DGLUCY: variants seen among roughly 807,000 people sequenced by gnomAD.
DGLUCY encodes D-glutamate cyclase, also known as D-glutamate cyclase, mitochondrial.
A neutral mutation model predicts 58.5 loss-of-function variants in DGLUCY; 58 were observed. The observed-to-expected ratio is 0.99, with a 90% CI of 0.80 to 1.23. The LOEUF is 1.23. Among genes scored for constraint, DGLUCY ranks in the 50% most tolerant of loss-of-function variants. DGLUCY has a pLI of 0.00. For synonymous variants in DGLUCY, 325 were observed against 314.1 expected (o/e 1.03, Z -0.37); for missense variants, 779 against 784.7 (o/e 0.99, Z 0.09).
At chr14:91,068,561 C>CA in intron 1 of DGLUCY, among the ~76,000 whole-genome samples, 1 of 152,220 alleles carries the variant, frequency 6.6e-6, no homozygotes, top group South Asian at 2.1e-4. Flanking sequence ...CCCAGCTACT[C>CA]AGGAGGCTGA....
chr14:91,185,271 A>ATGTTTTTTTTTT (rs2049437037), intron 8 of DGLUCY, among the ~76,000 whole-genome samples: 1 of 38,342 alleles, frequency 2.6e-5, no homozygotes, highest in Admixed American at 4.5e-4. Flanking sequence ...GCCCAGCCGG[A>ATGTTTTTTTTTT]TTTTTTTTTT....
chr14:91,191,296 G>A (rs1217011073), intron 9 of DGLUCY, among the ~76,000 whole-genome samples: 1 of 152,202 alleles, frequency 6.6e-6, no homozygotes, highest in Admixed American at 6.5e-5. Context: ...GTGGCTGGGA[G>A]GAGAGGGGAA....
At chr14:91,137,411 G>T (rs1341223734) in intron 1 of DGLUCY, among the ~76,000 whole-genome samples, 1 of 151,578 alleles carries the variant, frequency 6.6e-6, no homozygotes, top group Non-Finnish European at 1.5e-5. Context: ...TTTTGAGACG[G>T]AGTCTTTCTC....
chr14:91,126,957 A>G (rs7146008), intron 1 of DGLUCY, among the ~76,000 whole-genome samples: 90,157 of 151,416 alleles, frequency 0.6, 28,113 homozygotes, highest in East Asian at 0.91. Context: ...CACATAAACA[A>G]TTCCAGAAAT....
chr14:91,127,338 G>A (rs2045765030), intron 1 of DGLUCY, among the ~76,000 whole-genome samples: 1 of 152,214 alleles, frequency 6.6e-6, no homozygotes, highest in Admixed American at 6.5e-5. Flanking sequence ...ACAGGCGTAA[G>A]CCACCATGCC....
chr14:91,215,854 ATTG>A lies in DGLUCY; in HGVS notation c.1716+305_1716+307del, dbSNP rs1886443044. On this transcript the variant is annotated intron_variant, in intron 13 of 13. Transcript: ENST00000256324. The stretch of plus-strand genomic sequence containing the variant: ...CATCTGTAAAATGGGGGTGGTCAGC[ATTG>A]TTGTTGGAGGAACCGAATGCCTCAC... The A allele has an allele frequency of 5.3e-6, 5 of 942,540 alleles. No homozygotes were observed. The South Asian group carries it at 6.8e-5, about 13-fold the overall frequency. The allele number at this position is 942,540 out of a possible 1,614,324, so 58.4% of individuals were successfully genotyped here.
chr14:91,149,949 G>T (rs567887274), intron 1 of DGLUCY, among the ~76,000 whole-genome samples: 2 of 152,064 alleles, frequency 1.3e-5, no homozygotes, highest in Non-Finnish European at 2.9e-5. Context: ...GGCTGGGTGC[G>T]GTGGCTCACA....
At chr14:91,143,064 T>G (rs2046812256) in intron 1 of DGLUCY, among the ~76,000 whole-genome samples, 1 of 148,246 alleles carries the variant, frequency 6.7e-6, no homozygotes, top group African/African-American at 2.5e-5. Flanking sequence ...CTAATGGCAG[T>G]TTTGGCAGTT....
intron 13 of DGLUCY, chr14:91,216,152 TGG>T: frequency 5.6e-6 from 1 of 178,562 alleles, no homozygotes; most frequent in Admixed American, 5.4e-5. Flanking sequence ...TGATGGTTTG[TGG>T]GAGACAGCTC....
At chr14:91,146,527 G>A (rs988105894) in intron 1 of DGLUCY, among the ~76,000 whole-genome samples, 17 of 152,194 alleles carry the variant, frequency 1.1e-4, no homozygotes, top group African/African-American at 4.1e-4. Flanking sequence ...ATGGGGCTCC[G>A]AGCAAGCCCT....
At chr14:91,113,571 G>A (rs1223270115), upstream of DGLUCY, among the ~76,000 whole-genome samples, 1 of 152,186 alleles carries the variant, frequency 6.6e-6, no homozygotes, top group Non-Finnish European at 1.5e-5. Context: ...AACTTACCAA[G>A]ACCTCTAAAT....
chr14:91,098,688 G>C (rs1190097273), intron 1 of DGLUCY, among the ~76,000 whole-genome samples: 1 of 152,092 alleles, frequency 6.6e-6, no homozygotes, highest in African/African-American at 2.4e-5. Context: ...CTGCAGGCCT[G>C]TCCTCTTGCC....
rs571672020 is a variant in DGLUCY, at chr14:91,191,115, T to G, written c.1195+1945T>G. ...ACTGGCTGATGGCTTCAGGGCACCC[T>G]CAACCCCTGGGGGACAGGACCTGAG... On this transcript the variant is annotated intron_variant, in intron 9 of 13. Coordinates refer to ENST00000256324, the MANE Select transcript of DGLUCY (RefSeq NM_001102368.3). 9.2e-5 allele frequency among the ~76,000 whole-genome samples: 14 copies of G among 152,312 alleles called. No homozygotes were observed. In the East Asian group the frequency reaches 2.3e-3, roughly 25 times the overall value.
chr14:91,094,232 C>T (rs972643100), intron 1 of DGLUCY, among the ~76,000 whole-genome samples: 4 of 151,194 alleles, frequency 2.6e-5, no homozygotes, highest in Admixed American at 1.3e-4. Context: ...GTCAGGAGTT[C>T]GAGACCAGCC....
intron 12 of DGLUCY, among the ~76,000 whole-genome samples, chr14:91,206,357 C>T (rs1487700964): frequency 6.6e-6 from 1 of 152,058 alleles, no homozygotes; most frequent in Non-Finnish European, 1.5e-5. Flanking sequence ...TTACCACCAT[C>T]ACTAAAGGTC....
intron 9 of DGLUCY, among the ~76,000 whole-genome samples, chr14:91,190,794 T>A (rs747671604): frequency 2.0e-5 from 3 of 151,966 alleles, no homozygotes; most frequent in Non-Finnish European, 1.5e-5. Flanking sequence ...GCAGCTGGGC[T>A]TTTGTTCTGG....
At chr14:91,086,341 G>C (rs1393311497) in intron 1 of DGLUCY, among the ~76,000 whole-genome samples, 1 of 152,114 alleles carries the variant, frequency 6.6e-6, no homozygotes, top group Non-Finnish European at 1.5e-5. Context: ...CTGGTCCATG[G>C]AAAAATGGTC....
rs567263033 is a variant in DGLUCY at position 91,124,519 on chromosome 14, C to T, written c.-82+10236C>T. Among the ~76,000 whole-genome samples, 14 of 152,282 alleles carry T rather than the reference C, an allele frequency of 9.2e-5. 1 individual carries two copies. In the South Asian group the frequency reaches 2.5e-3, roughly 27 times the overall value. ...TGAATGGCATGGCTTTTTTCAACCACGAGTTCTCTGAGGCCTGAAGAAAGT... is the reference window on the plus strand; with the variant it reads ...TGAATGGCATGGCTTTTTTCAACCATGAGTTCTCTGAGGCCTGAAGAAAGT... On this transcript the variant is annotated intron_variant, in intron 1 of 13. Transcript: ENST00000256324.
chr14:91,146,814 T>C (rs2047038558), intron 1 of DGLUCY, among the ~76,000 whole-genome samples: 1 of 152,082 alleles, frequency 6.6e-6, no homozygotes, highest in Admixed American at 6.6e-5. Flanking sequence ...GTTCTGTTTT[T>C]AGCTGTGTTT....
Sources: allele counts gnomAD v4.1 joint callset (sites outside exome capture counted in the v4.1 genomes callset), GRCh38; gene constraint gnomAD v4.1.1; transcripts MANE v1.5; gene names NCBI Gene and HGNC (gene_info 2026-07-23, HGNC 2026-07-21).